ANKDD1B: variants seen among roughly 807,000 people sequenced by gnomAD.
The protein encoded by ANKDD1B is ankyrin repeat and death domain-containing protein 1B.
A neutral mutation model predicts 59.7 loss-of-function variants in ANKDD1B; 57 were observed. That is an observed-to-expected ratio of 0.95 (90% CI 0.77 to 1.19). The LOEUF is 1.19. ANKDD1B is among the 50% of genes most tolerant of loss of function. ANKDD1B has a pLI of 0.00. For missense variants in ANKDD1B, 602 were observed against 641.9 expected (o/e 0.94, Z 0.67); for synonymous variants, 216 against 239.5 (o/e 0.90, Z 0.91).
intron 12 of ANKDD1B, 33 bp from the exon 13 acceptor site, chr5:75,669,219 T>C: frequency 8.1e-7 from 1 of 1,231,808 alleles, no homozygotes; most frequent in Non-Finnish European, 1.0e-6. Context: ...CAGCTCGTGG[T>C]GTTTTACCTC....
At chr5:75,619,245 C>T (rs570858147) in intron 2 of ANKDD1B, among the ~76,000 whole-genome samples, 108 of 152,344 alleles carry the variant, frequency 7.1e-4, no homozygotes, top group African/African-American at 1.2e-3. Context: ...CTTGCACAAA[C>T]GCCATCACAA....
chr5:75,656,557 G>C (rs961605862), intron 9 of ANKDD1B, among the ~76,000 whole-genome samples: 7 of 152,174 alleles, frequency 4.6e-5, no homozygotes, highest in African/African-American at 7.2e-5. Context: ...GGCAAAAGAG[G>C]CCTCTTGGAA....
intron 5 of ANKDD1B, among the ~76,000 whole-genome samples, chr5:75,634,109 T>G (rs772881798): frequency 1.3e-5 from 2 of 152,222 alleles, no homozygotes; most frequent in African/African-American, 2.4e-5. Flanking sequence ...TTACCCAGCC[T>G]GAGGTATTCT....
intron 5 of ANKDD1B, among the ~76,000 whole-genome samples, chr5:75,634,229 A>G (rs1394025072): frequency 1.3e-5 from 2 of 152,258 alleles, no homozygotes; most frequent in East Asian, 3.8e-4. Context: ...GAGGAATTCC[A>G]TAATCAGAAA....
Position 75,625,651 on chromosome 5 carries a change from G to C in ANKDD1B, c.401G>C (p.Gly134Ala). Reference protein sequence around the residue: ...KARVDVADKHGLTVIHLAAWS... With the variant: ...KARVDVADKHALTVIHLAAWS... Reference sequence around the variant, plus strand: ...TTTTCTGTCTTCTTGGGGAAGCACGGCTTGACAGTAATTCACCTTGCAGCC... The same window carrying C: ...TTTTCTGTCTTCTTGGGGAAGCACGCCTTGACAGTAATTCACCTTGCAGCC... The change falls in exon 4 of 14, where the codon GGC (glycine) becomes GCC (alanine). Residue 134 changes from glycine (G) to alanine (A), a missense_variant. Physicochemically the swap from Gly to Ala is moderately conservative, Grantham distance 60. This residue lies in a region of ANKDD1B where 317 missense variants were observed against 304.6 expected (regional missense o/e 1.04). Transcript: ENST00000601380. 1.3e-6 allele frequency: 2 copies of C among 1,536,138 alleles called. No homozygotes were observed. Among genetic ancestry groups the C allele is most frequent in the Non-Finnish European group, 1.7e-6 (2 of 1,146,834 alleles).
Position 75,611,818 on chromosome 5 carries a change from C to T in ANKDD1B, c.184C>T (p.His62Tyr). 1 of 1,231,894 alleles carries T rather than the reference C, an allele frequency of 8.1e-7. No individual in the cohort carries two copies. The highest frequency in any genetic ancestry group is 4.1e-5 in the South Asian group (1 of 24,314). The allele number at this position is 1,231,894 out of a possible 1,614,324, so 76.3% of individuals were successfully genotyped here. ...LGEEDTAVAG[H>Y]ELLLPNERSF... is the part of the protein sequence containing the mutation. The stretch of plus-strand genomic sequence containing the variant: ...AGAGGAGGACACAGCAGTTGCCGGA[C>T]ACGAGCTCCGTGAGTCCCGGGACGA... Residue 62 changes from histidine (H) to tyrosine (Y), a missense_variant, in exon 1 of 14, where the codon CAC becomes TAC. Coordinates refer to ENST00000601380, the MANE Select transcript of ANKDD1B (RefSeq NM_001276713.2).
chr5:75,627,613 G>A lies in ANKDD1B; in HGVS notation c.600+1658G>A, dbSNP rs138653348. Among the ~76,000 whole-genome samples, 9 of 152,326 alleles carry A rather than the reference G, an allele frequency of 5.9e-5. No homozygotes were observed. The East Asian group carries it at 1.7e-3, about 29-fold the overall frequency. ...TGCTATTTAGTATCAGAATAAGGAA[G>A]TTGAATCTTCCTAATTTTATCCATG... is the stretch of plus-strand genomic sequence containing the variant. On this transcript the variant is annotated intron_variant, in intron 5 of 13. Transcript: ENST00000601380.
intron 7 of ANKDD1B, among the ~76,000 whole-genome samples, chr5:75,638,618 G>C (rs908540871): frequency 7.2e-5 from 11 of 152,142 alleles, no homozygotes; most frequent in Admixed American, 3.9e-4. Context: ...ATAAATAGCA[G>C]TTTTGTATTT....
chr5:75,612,491 G>T (rs1773596771), intron 1 of ANKDD1B, among the ~76,000 whole-genome samples: 1 of 151,986 alleles, frequency 6.6e-6, no homozygotes, highest in South Asian at 2.1e-4. Flanking sequence ...CACCATCCAA[G>T]CCTACTGGCT....
At chr5:75,664,033 C>A (rs1374216450) in intron 11 of ANKDD1B, among the ~76,000 whole-genome samples, 1 of 152,238 alleles carries the variant, frequency 6.6e-6, no homozygotes, top group Non-Finnish European at 1.5e-5. Context: ...CATGCAGCTT[C>A]TCAATAGACT....
intron 1 of ANKDD1B, among the ~76,000 whole-genome samples, chr5:75,616,559 A>T (rs1446801476): frequency 6.6e-6 from 1 of 152,210 alleles, no homozygotes; most frequent in African/African-American, 2.4e-5. Context: ...GGTGGTCCTC[A>T]TGAATAATGT....
intron 3 of ANKDD1B, among the ~76,000 whole-genome samples, chr5:75,624,591 A>T (rs558613843): frequency 6.6e-6 from 1 of 152,326 alleles, no homozygotes; most frequent in East Asian, 1.9e-4. Context: ...TTGTGTAAAT[A>T]AAATATTTTA....
At position 75,625,927 on chromosome 5, in the gene ANKDD1B, A is replaced by C. The variant is rs1337758952; in HGVS notation, c.572A>C (p.His191Pro). ...GTGGAGTATCTTATTCAAGATCTGC[A>C]CCTCAAGGACCTGAACCAGCCTGAT... ...RIVEYLIQDL[H>P]LKDLNQPDEK... is the part of the protein sequence containing the mutation. Residue 191 changes from histidine to proline, a missense_variant, in exon 5 of 14, where the codon CAC becomes CCC. Physicochemically the swap from His to Pro is moderately conservative, Grantham distance 77. Around this residue, in one of 3 missense-constraint regions of ANKDD1B, gnomAD observed 317 missense variants for 304.6 expected, o/e 1.04. Transcript: ENST00000601380. The C allele has an allele frequency of 6.5e-7, 1 of 1,536,026 alleles. No homozygotes were observed. The highest frequency in any genetic ancestry group is 8.7e-7 in the Non-Finnish European group (1 of 1,146,820).
intron 5 of ANKDD1B, among the ~76,000 whole-genome samples, chr5:75,632,766 T>A (rs1345319366): frequency 6.6e-6 from 1 of 152,216 alleles, no homozygotes; most frequent in African/African-American, 2.4e-5. Context: ...CCCCCATATA[T>A]AAGCAGCACT....
intron 11 of ANKDD1B, among the ~76,000 whole-genome samples, chr5:75,664,691 T>G (rs1460632570): frequency 6.6e-6 from 1 of 152,222 alleles, no homozygotes; most frequent in East Asian, 1.9e-4. Context: ...AAAATTATTT[T>G]GGGTAGATAA....
intron 7 of ANKDD1B, among the ~76,000 whole-genome samples, chr5:75,636,210 A>G (rs559634027): frequency 6.6e-6 from 1 of 152,362 alleles, no homozygotes; most frequent in South Asian, 2.1e-4. Context: ...ATAGAAGTCT[A>G]CAGAGAATGC....
intron 1 of ANKDD1B, 116 bp downstream of exon 1, chr5:75,611,943 GC>G (rs1773570556): frequency 2.2e-6 from 2 of 892,092 alleles, no homozygotes; most frequent in South Asian, 5.8e-5. Context: ...AACTGGCGAG[GC>G]GACTCAGCCC....
chr5:75,642,336 C>T (rs543004379), intron 7 of ANKDD1B, among the ~76,000 whole-genome samples: 47 of 151,540 alleles, frequency 3.1e-4, no homozygotes, highest in Admixed American at 4.6e-4. Context: ...TCTGAGGTAC[C>T]GGGTTCATCT....
chr5:75,648,270 A>AAAAAAAAAAATAAAAAAAAAAAAAATT (rs534295373), intron 7 of ANKDD1B, among the ~76,000 whole-genome samples: 4 of 88,110 alleles, frequency 4.5e-5, no homozygotes, highest in African/African-American at 8.0e-5. Flanking sequence ...AAAAAATTAA[A>AAAAAAAAAAATAAAAAAAAAAAAAATT]AAAAAAAAAA....
Sources: allele counts gnomAD v4.1 joint callset (sites outside exome capture counted in the v4.1 genomes callset), GRCh38; gene constraint gnomAD v4.1.1; regional missense constraint gnomAD v4.1.1; transcripts MANE v1.5; gene names NCBI Gene and HGNC (gene_info 2026-07-23, HGNC 2026-07-21).